The following ZCWPW2 variants were observed in gnomAD, a reference collection of about 807,000 sequenced individuals.
ZCWPW2 encodes zinc finger CW-type PWWP domain protein 2.
Under a neutral mutation model 46.6 loss-of-function variants are expected in ZCWPW2, and 45 were observed. The observed-to-expected ratio is 0.96, with a 90% confidence interval of 0.76 to 1.24. The LOEUF is 1.24. ZCWPW2 is among the 50% of genes most tolerant of loss of function. The pLI is 0.00. For synonymous variants in ZCWPW2, 152 were observed against 137.1 expected, an observed-to-expected ratio of 1.11 and a Z score of -0.76; for missense variants, 429 against 403.9, an observed-to-expected ratio of 1.06 and a Z score of -0.53.
At chr3:28,492,263 A>C in intron 6 of ZCWPW2, 90 bp downstream of exon 6, 2 of 1,145,360 alleles carry the variant, frequency 1.7e-6, no homozygotes, top group Non-Finnish European at 2.4e-6. Context: ...TTAAAAACAA[A>C]CAATGACATA....
chr3:28,490,728 A>G (rs769749328), intron 5 of ZCWPW2, among the ~76,000 whole-genome samples: 11 of 152,048 alleles, frequency 7.2e-5, no homozygotes, highest in Non-Finnish European at 1.5e-4. Context: ...ACTATGCTAT[A>G]TAGCAAACCT....
At chr3:28,377,264 C>A (rs1426142672) in intron 1 of ZCWPW2, among the ~76,000 whole-genome samples, 3 of 151,956 alleles carry the variant, frequency 2.0e-5, no homozygotes, top group Admixed American at 6.6e-5. Flanking sequence ...TTTTTACATT[C>A]TAATTTTAAA....
chr3:28,516,398 G>A (rs1222431053), intron 8 of ZCWPW2, among the ~76,000 whole-genome samples: 1 of 152,148 alleles, frequency 6.6e-6, no homozygotes, highest in Non-Finnish European at 1.5e-5. Context: ...GAGTGCCAAA[G>A]GGAGAGAAGA....
chr3:28,380,989 ATATATATTTGG>A lies in ZCWPW2; in HGVS notation c.-133-9501_-133-9491del, dbSNP rs1369532586. 1.9e-4 allele frequency among the ~76,000 whole-genome samples: 9 copies of A among 47,216 alleles called. 2 individuals are homozygous for A. Among genetic ancestry groups the A allele is most frequent in the African/African-American group, 9.8e-4 (8 of 8,154 alleles). The allele number at this position is 47,216 out of a possible 152,430, so 31.0% of individuals were successfully genotyped here. On this transcript the variant is annotated intron_variant, in intron 1 of 9. Transcript: ENST00000383768. ...ATATATATTTGGTATATATATATAT[ATATATATTTGG>A]TATATATATATATATATATATTTGG...
intron 6 of ZCWPW2, among the ~76,000 whole-genome samples, chr3:28,496,398 C>A (rs1559529332): frequency 6.6e-6 from 1 of 151,962 alleles, no homozygotes; most frequent in South Asian, 2.1e-4. Context: ...TCACTTCAGA[C>A]CCCGAGGGGA....
At chr3:28,469,108 G>C (rs1698940767) in intron 4 of ZCWPW2, among the ~76,000 whole-genome samples, 2 of 151,968 alleles carry the variant, frequency 1.3e-5, no homozygotes, top group Non-Finnish European at 2.9e-5. Context: ...TTTTCTTTTT[G>C]CTTATTAGTT....
At chr3:28,492,045 A>C (rs1033286352) in intron 5 of ZCWPW2, 82 bp from the exon 6 acceptor site, 22 of 1,370,036 alleles carry the variant, frequency 1.6e-5, no homozygotes, top group African/African-American at 1.5e-4. Flanking sequence ...GAAAGTAGAA[A>C]ATTCTAATTG....
At chr3:28,493,150 GT>G (rs11426112) in intron 6 of ZCWPW2, among the ~76,000 whole-genome samples, 14,834 of 81,894 alleles carry the variant, frequency 0.18, 1,484 homozygotes, top group East Asian at 0.49. Flanking sequence ...TTTTTTTAAT[GT>G]TTTTTTTTTT....
At chr3:28,521,865 G>A (rs188891099) in intron 9 of ZCWPW2, among the ~76,000 whole-genome samples, 38 of 152,228 alleles carry the variant, frequency 2.5e-4, no homozygotes, top group African/African-American at 8.9e-4. Flanking sequence ...CATTCATTTA[G>A]GTACACAATG....
chr3:28,381,558 T>C (rs1185926949), intron 1 of ZCWPW2, among the ~76,000 whole-genome samples: 2 of 152,032 alleles, frequency 1.3e-5, no homozygotes, highest in Non-Finnish European at 2.9e-5. Context: ...TATTCAAGGG[T>C]CAACTGCGTA....
rs71087697 is a variant in ZCWPW2, at chr3:28,421,834, TTGTGTGTGTGTGTGTGTG to T, written c.332+8460_332+8477del. On this transcript the variant is annotated intron_variant, in intron 3 of 9. Transcript: ENST00000383768. ...TGAGAACCATATGTTGGAGAATAGT[TTGTGTGTGTGTGTGTGTG>T]TGTGTGTGTGTGTGTGTGTGTGTGT... Among the ~76,000 whole-genome samples the T allele has an allele frequency of 1.0e-4, 14 of 133,912 alleles. No individual in the cohort carries two copies. In the East Asian group the frequency reaches 2.0e-3, roughly 19 times the overall value. 87.9% of individuals were successfully genotyped at this position (133,912 alleles called of 152,430 possible). A position where few individuals can be genotyped will look rare whatever the true frequency, so the allele number is the denominator to read the frequency against.
chr3:28,435,002 GA>G (rs1697423981), intron 3 of ZCWPW2, 107 bp from the exon 4 acceptor site: 1 of 1,172,018 alleles, frequency 8.5e-7, no homozygotes. Flanking sequence ...TATGTTTTGT[GA>G]AAAGGCATTA....
intron 7 of ZCWPW2, among the ~76,000 whole-genome samples, chr3:28,514,833 T>A (rs1334346765): frequency 3.3e-5 from 5 of 152,112 alleles, no homozygotes. Context: ...AACCAGTCAT[T>A]TTTTAAAGAA....
At chr3:28,427,632 G>T (rs1697072306) in intron 3 of ZCWPW2, among the ~76,000 whole-genome samples, 1 of 152,116 alleles carries the variant, frequency 6.6e-6, no homozygotes, top group South Asian at 2.1e-4. Flanking sequence ...CTTTTTGAGG[G>T]TCGTCTCTGT....
chr3:28,503,223 G>A (rs1278622103), intron 6 of ZCWPW2, among the ~76,000 whole-genome samples: 1 of 152,108 alleles, frequency 6.6e-6, no homozygotes, highest in Non-Finnish European at 1.5e-5. Flanking sequence ...TGTGGCTGCC[G>A]TTTTTTAAGA....
intron 2 of ZCWPW2, among the ~76,000 whole-genome samples, chr3:28,393,615 G>A (rs1695581714): frequency 6.6e-6 from 1 of 151,960 alleles, no homozygotes; most frequent in Non-Finnish European, 1.5e-5. Flanking sequence ...TTTATCTTTG[G>A]GATGCAAAGA....
intron 1 of ZCWPW2, among the ~76,000 whole-genome samples, chr3:28,377,838 T>C (rs911248385): frequency 6.6e-6 from 1 of 152,086 alleles, no homozygotes; most frequent in African/African-American, 2.4e-5. Flanking sequence ...GCATATAGCT[T>C]GATTATTAAG....
chr3:28,410,532 A>G (rs1159384342), intron 2 of ZCWPW2, among the ~76,000 whole-genome samples: 1 of 152,022 alleles, frequency 6.6e-6, no homozygotes, highest in South Asian at 2.1e-4. Flanking sequence ...ACCAAAATAC[A>G]ATTACATTAA....
In ZCWPW2 at chr3:28,380,969, T is replaced by C. The variant is rs1436431481; in HGVS notation, c.-133-9529T>C. Among the ~76,000 whole-genome samples, 7 of 31,188 alleles carry C rather than the reference T, an allele frequency of 2.2e-4. 2 individuals are homozygous for C. The highest frequency in any genetic ancestry group is 1.1e-3 in the African/African-American group (7 of 6,320). The allele number at this position is 31,188 out of a possible 152,430, so 20.5% of individuals were successfully genotyped here. A position where few individuals can be genotyped will look rare whatever the true frequency, so the allele number is the denominator to read the frequency against. On this transcript the variant is annotated intron_variant, in intron 1 of 9. Transcript: ENST00000383768. The stretch of plus-strand genomic sequence containing the variant: ...ATATATATATATATATATATATATA[T>C]ATTTGGTATATATATATATATATAT...
Sources: allele counts gnomAD v4.1 joint callset (sites outside exome capture counted in the v4.1 genomes callset), GRCh38; gene constraint gnomAD v4.1.1; transcripts MANE v1.5; gene names NCBI Gene and HGNC (gene_info 2026-07-23, HGNC 2026-07-21).